The following PBX1 variants were observed in gnomAD, a reference collection of about 807,000 sequenced individuals.
PBX1 encodes the protein pre-B-cell leukemia transcription factor 1.
PBX1 carries 6 observed loss-of-function variants against 53.4 expected under a neutral mutation model. The ratio of observed to expected loss-of-function variants is 0.11; its 90% CI spans 0.06 to 0.22. The LOEUF is 0.22. PBX1 is among the 10% of genes least tolerant of loss of function. The pLI is 1.00. For missense variants in PBX1, 251 were observed against 551.4 expected (o/e 0.46, Z 5.46); for synonymous variants, 204 against 212.3 (o/e 0.96, Z 0.34).
intron 2 of PBX1, among the ~76,000 whole-genome samples, chr1:164,670,982 G>C (rs964455515): frequency 6.6e-6 from 1 of 152,152 alleles, no homozygotes; most frequent in East Asian, 1.9e-4. Flanking sequence ...TTCCCTATCA[G>C]CCAGTGACAT....
At chr1:164,736,582 A>G (rs960693066) in intron 2 of PBX1, among the ~76,000 whole-genome samples, 6 of 152,224 alleles carry the variant, frequency 3.9e-5, no homozygotes, top group Admixed American at 3.3e-4. Flanking sequence ...AGGAACAATG[A>G]CATATACATT....
intron 2 of PBX1, among the ~76,000 whole-genome samples, chr1:164,691,292 G>T (rs1420441256): frequency 6.6e-6 from 1 of 152,144 alleles, no homozygotes; most frequent in African/African-American, 2.4e-5. Context: ...GGGGTTACAG[G>T]CATGAGCCAC....
chr1:164,842,094 G>A (rs1299530755), intron 8 of PBX1, among the ~76,000 whole-genome samples: 2 of 152,188 alleles, frequency 1.3e-5, no homozygotes, highest in Non-Finnish European at 2.9e-5. Context: ...GGGAAAAAGA[G>A]GAGATGGGGC....
intron 2 of PBX1, among the ~76,000 whole-genome samples, chr1:164,687,418 C>T (rs764567124): frequency 2.0e-5 from 3 of 152,000 alleles, no homozygotes; most frequent in South Asian, 2.1e-4. Context: ...AAAAATTAGC[C>T]AGGTGTGGTG....
At chr1:164,581,131 C>T (rs1654585927) in intron 2 of PBX1, among the ~76,000 whole-genome samples, 1 of 152,078 alleles carries the variant, frequency 6.6e-6, no homozygotes, top group Non-Finnish European at 1.5e-5. Context: ...CTACGTGGTG[C>T]GGATGGATGC....
At chr1:164,812,666 A>G (rs1194567972) in intron 6 of PBX1, 1 of 152,188 alleles carries the variant, frequency 6.6e-6, no homozygotes, top group African/African-American at 2.4e-5. Context: ...GAATATTTCT[A>G]TATATTGTTT....
rs561484585 is a variant in PBX1 at position 164,851,394 on chromosome 1, G to C, written c.*4718G>C. 9.8e-6 allele frequency: 2 copies of C among 203,792 alleles called. No individual in the cohort carries two copies. Among genetic ancestry groups the C allele is most frequent in the African/African-American group, 4.6e-5 (2 of 43,776 alleles). The allele number at this position is 203,792 out of a possible 1,614,324, so 12.6% of individuals were successfully genotyped here. A position where few individuals can be genotyped will look rare whatever the true frequency, so the allele number is the denominator to read the frequency against. On this transcript the variant is annotated 3_prime_UTR_variant, in exon 9 of 9. Coordinates refer to ENST00000420696, the MANE Select transcript of PBX1 (RefSeq NM_002585.4). ...ACTCTTGAAGTCACAACAAAATAATGATGAGCTTTTCACATCACCTTTATG... is the reference window on the plus strand; with the variant it reads ...ACTCTTGAAGTCACAACAAAATAATCATGAGCTTTTCACATCACCTTTATG...
chr1:164,715,573 T>G (rs914087626), intron 2 of PBX1, among the ~76,000 whole-genome samples: 3 of 152,158 alleles, frequency 2.0e-5, no homozygotes, highest in African/African-American at 7.2e-5. Flanking sequence ...TCTATCTAAC[T>G]CCTGTTGTTG....
chr1:164,709,407 A>G (rs1194246078), intron 2 of PBX1, among the ~76,000 whole-genome samples: 4 of 152,216 alleles, frequency 2.6e-5, no homozygotes, highest in African/African-American at 9.6e-5. Flanking sequence ...GAAAACAAAA[A>G]TAGAAAAAGG....
At chr1:164,702,016 T>C (rs1663150613) in intron 2 of PBX1, among the ~76,000 whole-genome samples, 1 of 152,120 alleles carries the variant, frequency 6.6e-6, no homozygotes, top group Admixed American at 6.5e-5. Context: ...TACAGACATA[T>C]GTTTTTCCAG....
At chr1:164,878,356 G>C (rs1158093488) in intron 2 of PBX1, among the ~76,000 whole-genome samples, 1 of 152,124 alleles carries the variant, frequency 6.6e-6, no homozygotes, top group African/African-American at 2.4e-5. Flanking sequence ...AAAATAAATT[G>C]TGCACCAAAA....
At chr1:164,844,676 G>A (rs921295084) in intron 8 of PBX1, among the ~76,000 whole-genome samples, 4 of 152,014 alleles carry the variant, frequency 2.6e-5, no homozygotes, top group East Asian at 1.9e-4. Context: ...AAACGTGGCC[G>A]CCATTCTTAG....
intron 2 of PBX1, among the ~76,000 whole-genome samples, chr1:164,578,828 C>T (rs1381163454): frequency 2.0e-5 from 3 of 152,160 alleles, no homozygotes; most frequent in African/African-American, 7.2e-5. Context: ...TGTTTGAGTC[C>T]TTGCATACTG....
chr1:164,690,568 A>T (rs1571227728), intron 2 of PBX1, among the ~76,000 whole-genome samples: 1 of 151,808 alleles, frequency 6.6e-6, no homozygotes, highest in South Asian at 2.1e-4. Flanking sequence ...GAAGTTTGAG[A>T]CCAGCCTGGG....
intron 2 of PBX1, among the ~76,000 whole-genome samples, chr1:164,673,531 C>T (rs1180433290): frequency 2.2e-5 from 3 of 133,458 alleles, no homozygotes; most frequent in Non-Finnish European, 4.5e-5. Context: ...AGTGCAGTGG[C>T]GGGATCTCTG....
At chr1:164,844,882 T>C (rs1490449423) in intron 8 of PBX1, among the ~76,000 whole-genome samples, 1 of 152,214 alleles carries the variant, frequency 6.6e-6, no homozygotes, top group Non-Finnish European at 1.5e-5. Flanking sequence ...TCCTTATTGT[T>C]CTCCGTCTAA....
intron 2 of PBX1, chr1:164,564,078 TTTTAA>T (rs1653258436): frequency 6.6e-6 from 1 of 152,150 alleles, no homozygotes; most frequent in African/African-American, 2.4e-5. Context: ...CCCTTGTTTA[TTTTAA>T]TCCTTAATTT....
At chr1:164,750,180 G>GTGTT (rs990784201) in intron 2 of PBX1, among the ~76,000 whole-genome samples, 3 of 151,150 alleles carry the variant, frequency 2.0e-5, no homozygotes, top group African/African-American at 7.3e-5. Flanking sequence ...GTGTGTGTGT[G>GTGTT]TGTACATGCA....
At chr1:164,835,481 A>T (rs1375494827) in intron 8 of PBX1, among the ~76,000 whole-genome samples, 1 of 151,904 alleles carries the variant, frequency 6.6e-6, no homozygotes, top group African/African-American at 2.4e-5. Context: ...CACACCCTCA[A>T]CTGTTTTTCA....
Sources: gnomAD v4.1 joint callset for allele counts (sites outside exome capture counted in the v4.1 genomes callset) on GRCh38, gnomAD v4.1.1 for gene constraint, MANE v1.5 for transcripts, NCBI Gene and HGNC (gene_info 2026-07-23, HGNC 2026-07-21) for gene names.